CPA6: variants seen among roughly 807,000 people sequenced by gnomAD.
The protein encoded by CPA6 is carboxypeptidase A6, also known as carboxypeptidase B.
CPA6 carries 58 observed loss-of-function variants against 63.3 expected under a neutral mutation model. The ratio of observed to expected loss-of-function variants is 0.92; its 90% CI spans 0.74 to 1.14. CPA6 has a LOEUF of 1.14. CPA6 is among the 50% of genes most tolerant of loss of function. CPA6 has a pLI of 0.00. For missense variants in CPA6, 565 were observed against 526.6 expected, an observed-to-expected ratio of 1.07 and a Z score of -0.71; for synonymous variants, 185 against 179.0, an observed-to-expected ratio of 1.03 and a Z score of -0.27.
intron 3 of CPA6, among the ~76,000 whole-genome samples, chr8:67,512,231 C>T (rs1046114116): frequency 1.3e-5 from 2 of 152,162 alleles, no homozygotes; most frequent in African/African-American, 4.8e-5. Flanking sequence ...GCTTCTCTTC[C>T]ATGCCCTTAC....
In CPA6 at chr8:67,677,877, T is replaced by TAA. The variant is rs79541004; in HGVS notation, c.117-53628_117-53627dup. The stretch of plus-strand genomic sequence containing the variant: ...ATGGGAAAAGTCAAACAATAAAGCT[T>TAA]AAAAAAAAAAAAGAATATCTTCAAC... On this transcript the variant is annotated intron_variant, in intron 1 of 10. Coordinates refer to ENST00000297770, the MANE Select transcript of CPA6 (RefSeq NM_020361.5). Among the ~76,000 whole-genome samples the TAA allele has an allele frequency of 8.7e-3, 1,221 of 139,842 alleles. 24 individuals carry two copies. Among genetic ancestry groups the TAA allele is most frequent in the African/African-American group, 0.03 (1,158 of 38,212 alleles). 91.7% of individuals were successfully genotyped at this position (139,842 alleles called of 152,430 possible).
intron 1 of CPA6, among the ~76,000 whole-genome samples, chr8:67,664,050 A>T (rs1261124860): frequency 6.6e-6 from 1 of 152,232 alleles, no homozygotes; most frequent in Non-Finnish European, 1.5e-5. Flanking sequence ...GACAGAACAG[A>T]AATGAAGGTT....
chr8:67,437,253 G>C (rs1446812946), intron 8 of CPA6, among the ~76,000 whole-genome samples: 1 of 152,150 alleles, frequency 6.6e-6, no homozygotes, highest in Non-Finnish European at 1.5e-5. Flanking sequence ...AAATTAGCCG[G>C]GTGTGGTGGC....
At chr8:67,591,922 T>C (rs962039112) in intron 2 of CPA6, among the ~76,000 whole-genome samples, 46 of 152,274 alleles carry the variant, frequency 3.0e-4, no homozygotes, top group African/African-American at 1.1e-3. Context: ...TCCAACACTA[T>C]GTTGAATAGG....
chr8:67,513,263 T>C (rs1352410754), intron 3 of CPA6, among the ~76,000 whole-genome samples: 2 of 152,176 alleles, frequency 1.3e-5, no homozygotes, highest in African/African-American at 4.8e-5. Flanking sequence ...CTAAAGAATT[T>C]TACAATATTG....
intron 8 of CPA6, among the ~76,000 whole-genome samples, chr8:67,455,648 C>T (rs1456625220): frequency 7.8e-6 from 1 of 128,718 alleles, no homozygotes; most frequent in African/African-American, 3.1e-5. Context: ...TAGTGAAGCC[C>T]CTTCTCTACA....
At chr8:67,504,856 G>A (rs1811896458) in intron 6 of CPA6, among the ~76,000 whole-genome samples, 1 of 152,164 alleles carries the variant, frequency 6.6e-6, no homozygotes, top group African/African-American at 2.4e-5. Context: ...CACAGGAATG[G>A]CCTCACTCAT....
chr8:67,703,196 T>A (rs987084568), intron 1 of CPA6, among the ~76,000 whole-genome samples: 1 of 152,198 alleles, frequency 6.6e-6, no homozygotes, highest in African/African-American at 2.4e-5. Flanking sequence ...TGACTTTCAC[T>A]TTCCTGCTTA....
At chr8:67,556,808 G>A (rs1016644352) in intron 2 of CPA6, among the ~76,000 whole-genome samples, 2 of 152,204 alleles carry the variant, frequency 1.3e-5, no homozygotes, top group African/African-American at 4.8e-5. Context: ...AGACAAGAGC[G>A]GCAGCGCCGA....
chr8:67,438,248 A>G (rs565018600), intron 8 of CPA6, among the ~76,000 whole-genome samples: 1 of 152,206 alleles, frequency 6.6e-6, no homozygotes, highest in Non-Finnish European at 1.5e-5. Flanking sequence ...GGAAAGATTG[A>G]ATAGACTTAT....
chr8:67,543,956 A>G (rs926467521), intron 2 of CPA6, among the ~76,000 whole-genome samples: 6 of 151,826 alleles, frequency 4.0e-5, no homozygotes, highest in African/African-American at 1.5e-4. Context: ...GCTGATTAAA[A>G]AAATGTTTTC....
intron 7 of CPA6, 54 bp from the exon 8 acceptor site, chr8:67,483,912 C>T (rs1811414918): frequency 7.1e-7 from 1 of 1,405,498 alleles, no homozygotes; most frequent in Non-Finnish European, 1.0e-6. Flanking sequence ...AGGTTATTCG[C>T]ATGCATTTTA....
At chr8:67,566,942 CT>C (rs1163235792) in intron 2 of CPA6, among the ~76,000 whole-genome samples, 1 of 152,186 alleles carries the variant, frequency 6.6e-6, no homozygotes, top group Non-Finnish European at 1.5e-5. Flanking sequence ...AAGGTGGCCA[CT>C]CTTTAGGCCA....
At chr8:67,612,224 A>C (rs1403508518) in intron 2 of CPA6, among the ~76,000 whole-genome samples, 1 of 152,180 alleles carries the variant, frequency 6.6e-6, no homozygotes, top group Non-Finnish European at 1.5e-5. Flanking sequence ...ATATCCTGCC[A>C]TTCCATTGTT....
chr8:67,621,619 T>C (rs903624136), intron 2 of CPA6, among the ~76,000 whole-genome samples: 1 of 152,210 alleles, frequency 6.6e-6, no homozygotes, highest in African/African-American at 2.4e-5. Flanking sequence ...TAGACTTACT[T>C]CATAAGATTG....
intron 8 of CPA6, among the ~76,000 whole-genome samples, chr8:67,453,001 C>T (rs1161878956): frequency 6.6e-6 from 1 of 152,154 alleles, no homozygotes; most frequent in East Asian, 1.9e-4. Context: ...TATATTAAGT[C>T]CCTTAGGCAA....
At chr8:67,731,821 C>T (rs1304119921) in intron 1 of CPA6, among the ~76,000 whole-genome samples, 1 of 152,164 alleles carries the variant, frequency 6.6e-6, no homozygotes, top group Non-Finnish European at 1.5e-5. Context: ...GAAAGATACA[C>T]TGGAAGTTCT....
intron 6 of CPA6, among the ~76,000 whole-genome samples, chr8:67,492,164 G>A (rs1040879249): frequency 6.6e-6 from 1 of 152,186 alleles, no homozygotes; most frequent in African/African-American, 2.4e-5. Context: ...TGTTGACACT[G>A]CAGCATTCAG....
At chr8:67,695,480 C>A (rs936508076) in intron 1 of CPA6, among the ~76,000 whole-genome samples, 1 of 152,170 alleles carries the variant, frequency 6.6e-6, no homozygotes, top group Non-Finnish European at 1.5e-5. Context: ...GATATAAATT[C>A]GCCTTCTGTG....
Sources: allele counts gnomAD v4.1 joint callset (sites outside exome capture counted in the v4.1 genomes callset), GRCh38; gene constraint gnomAD v4.1.1; transcripts MANE v1.5; gene names NCBI Gene and HGNC (gene_info 2026-07-23, HGNC 2026-07-21).